The following MNS1 variants were observed in gnomAD, a reference collection of about 807,000 sequenced individuals.
MNS1 encodes the protein meiosis specific nuclear structural 1.
MNS1 carries 63 observed loss-of-function variants against 72.0 expected under a neutral mutation model. That is an observed-to-expected ratio of 0.87 (90% confidence interval 0.71 to 1.08). The LOEUF (loss-of-function observed/expected upper bound fraction) is 1.08. Among genes scored for constraint, MNS1 ranks in the 50% least tolerant of loss-of-function variants. MNS1 has a pLI of 0.00. For synonymous variants in MNS1, 188 were observed against 172.1 expected (o/e 1.09, Z -0.72); for missense variants, 604 against 562.4 (o/e 1.07, Z -0.75).
At position 56,434,167 on chromosome 15, in the gene MNS1, C is replaced by A. The variant is rs780817708; in HGVS notation, c.1240G>T (p.Glu414Ter). The A allele has an allele frequency of 6.2e-6, 10 of 1,613,482 alleles. No individual in the cohort carries two copies. In the South Asian group the frequency reaches 1.1e-4, roughly 18 times the overall value. Residue 414 changes from glutamate (E) to a stop codon, truncating the protein, a stop_gained, in exon 8 of 10, where the codon GAG (glutamate) becomes TAG (stop). Coordinates refer to ENST00000260453, the MANE Select transcript of MNS1 (RefSeq NM_018365.4). LOFTEE classifies it high-confidence loss of function. ...HRRAVEKLIE[E>*]RRQQFLADKQ... The stretch of plus-strand genomic sequence containing the variant: ...TCTGCAAGGAATTGTTGGCGACGCT[C>A]TTCAATAAGTTTTTCCACAGCCCTC...
intron 7 of MNS1, among the ~76,000 whole-genome samples, chr15:56,437,639 G>T (rs1357400475): frequency 6.6e-6 from 1 of 152,026 alleles, no homozygotes; most frequent in South Asian, 2.1e-4. Context: ...GAGAAAGAAA[G>T]AAAGGGTATT....
chr15:56,464,120 T>C lies in MNS1; in HGVS notation c.131A>G (p.Gln44Arg). Residue 44 changes from glutamine (Q) to arginine (R), a missense_variant, in exon 2 of 10, where the codon CAG becomes CGG. Coordinates refer to ENST00000260453, the MANE Select transcript of MNS1 (RefSeq NM_018365.4). ...VNSQIRNQMV[Q>R]NENDNRVQRK... ...CTGAACACGGTTATCATTTTCATTC[T>C]GCACCATTTGATTCCTGATTTGACT... 6.2e-7 allele frequency: 1 copy of C among 1,614,186 alleles called. No homozygotes were observed. Among genetic ancestry groups the C allele is most frequent in the Non-Finnish European group, 8.5e-7 (1 of 1,180,030 alleles).
intron 3 of MNS1, among the ~76,000 whole-genome samples, chr15:56,448,452 G>T (rs1363227211): frequency 6.6e-6 from 1 of 151,734 alleles, no homozygotes; most frequent in Non-Finnish European, 1.5e-5. Context: ...TGTACTCAAT[G>T]TTTAGCTCCC....
At chr15:56,433,547 C>T (rs1484659979) in intron 8 of MNS1, among the ~76,000 whole-genome samples, 3 of 152,170 alleles carry the variant, frequency 2.0e-5, no homozygotes, top group East Asian at 1.9e-4. Flanking sequence ...TAACATCTCT[C>T]GGGTGGATCC....
At position 56,465,127 on chromosome 15, in the gene MNS1, C is replaced by A. The variant is rs538472512; in HGVS notation, c.-155G>T. ...ACGGTGGAGCTGCGCGCCCTCCGCTCGACCAAAAGTGACCCACGCAGAACG... is the reference window on the plus strand; with the variant it reads ...ACGGTGGAGCTGCGCGCCCTCCGCTAGACCAAAAGTGACCCACGCAGAACG... On this transcript the variant is annotated 5_prime_UTR_variant, in exon 1 of 10. Transcript: ENST00000260453. 106 of 963,472 alleles carry A rather than the reference C, an allele frequency of 1.1e-4. No individual in the cohort carries two copies. The highest frequency in any genetic ancestry group is 4.0e-4 in the Admixed American group (17 of 42,852). 59.7% of individuals were successfully genotyped at this position (963,472 alleles called of 1,614,324 possible).
intron 4 of MNS1, among the ~76,000 whole-genome samples, chr15:56,445,001 T>G (rs1478872339): frequency 6.6e-6 from 1 of 152,066 alleles, no homozygotes; most frequent in African/African-American, 2.4e-5. Flanking sequence ...AGTCATTATC[T>G]TATTATTCTA....
At chr15:56,445,581 T>C (rs1227418618) in intron 4 of MNS1, 2 of 152,046 alleles carry the variant, frequency 1.3e-5, no homozygotes, top group African/African-American at 4.8e-5. Context: ...GTACATGCTA[T>C]ACTAAATTCT....
chr15:56,439,055 A>G (rs538051165), intron 7 of MNS1, among the ~76,000 whole-genome samples: 2 of 152,156 alleles, frequency 1.3e-5, no homozygotes, highest in African/African-American at 4.8e-5. Context: ...CTATGTAGGG[A>G]AAAAAAATCC....
At chr15:56,431,283 G>C (rs2050587382) in intron 9 of MNS1, 90 bp downstream of exon 9, 1 of 1,485,582 alleles carries the variant, frequency 6.7e-7, no homozygotes, top group Admixed American at 2.0e-5. Flanking sequence ...CAAGAAGTGA[G>C]CAAAACCAAG....
At chr15:56,456,564 G>C (rs2050983091) in intron 2 of MNS1, 43 bp from the exon 3 acceptor site, 1 of 1,584,412 alleles carries the variant, frequency 6.3e-7, no homozygotes, top group African/African-American at 1.4e-5. Flanking sequence ...TCTAGAATCA[G>C]ATTTTTTTCA....
intron 3 of MNS1, 82 bp downstream of exon 3, chr15:56,456,312 A>C: frequency 7.7e-7 from 1 of 1,306,910 alleles, no homozygotes; most frequent in Non-Finnish European, 1.0e-6. Flanking sequence ...TAAACAAAGA[A>C]ATTTCACTTT....
chr15:56,457,397 A>G (rs2050988229), intron 2 of MNS1, among the ~76,000 whole-genome samples: 1 of 152,224 alleles, frequency 6.6e-6, no homozygotes. Flanking sequence ...ATTACTACGT[A>G]CCTATTGGAA....
At chr15:56,444,004 A>G (rs371023485) in intron 5 of MNS1, 150 bp from the exon 6 acceptor site, 7 of 652,588 alleles carry the variant, frequency 1.1e-5, no homozygotes, top group Admixed American at 6.8e-5. Flanking sequence ...TGTGCTAAAT[A>G]TAATGTCAGG....
chr15:56,452,016 A>G (rs970461562), intron 3 of MNS1, among the ~76,000 whole-genome samples: 12 of 152,206 alleles, frequency 7.9e-5, no homozygotes, highest in African/African-American at 2.9e-4. Context: ...TGGTTCAAAT[A>G]TGTTTACTAT....
At chr15:56,441,035 C>T (rs1087836) in intron 7 of MNS1, among the ~76,000 whole-genome samples, 13,420 of 152,114 alleles carry the variant, frequency 0.088, 1,338 homozygotes, top group East Asian at 0.46. Context: ...TATAAACTTT[C>T]CTCTAAGCAC....
At chr15:56,453,014 C>T (rs1336998278) in intron 3 of MNS1, among the ~76,000 whole-genome samples, 4 of 152,058 alleles carry the variant, frequency 2.6e-5, no homozygotes, top group East Asian at 1.9e-4. Flanking sequence ...TTCCTATTAT[C>T]GTATTTTATT....
chr15:56,451,240 T>C (rs544581860), intron 3 of MNS1, among the ~76,000 whole-genome samples: 8 of 152,330 alleles, frequency 5.3e-5, no homozygotes, highest in Middle Eastern at 3.4e-3. Context: ...AGAACAGATA[T>C]ACCCAACAAT....
At chr15:56,461,002 G>GC (rs2051016618) in intron 2 of MNS1, among the ~76,000 whole-genome samples, 2 of 152,092 alleles carry the variant, frequency 1.3e-5, no homozygotes, top group African/African-American at 2.4e-5. Context: ...CCCAGAAAGA[G>GC]CCAATGTTTT....
At chr15:56,438,864 T>G (rs1026707231) in intron 7 of MNS1, among the ~76,000 whole-genome samples, 4 of 152,300 alleles carry the variant, frequency 2.6e-5, no homozygotes, top group Non-Finnish European at 4.4e-5. Context: ...AGAAGACATT[T>G]ATGCAGCCAA....
Sources: gnomAD v4.1 joint callset for allele counts (sites outside exome capture counted in the v4.1 genomes callset) on GRCh38, gnomAD v4.1.1 for gene constraint, MANE v1.5 for transcripts, NCBI Gene and HGNC (gene_info 2026-07-23, HGNC 2026-07-21) for gene names.